SIDT2: variants seen among roughly 807,000 people sequenced by gnomAD.
SIDT2 encodes SID1 transmembrane family, member 2.
SIDT2 carries 68 observed loss-of-function variants against 114.4 expected under a neutral mutation model. That is an observed-to-expected ratio of 0.59 (90% CI 0.49 to 0.73). SIDT2 has a LOEUF of 0.73. SIDT2 is among the 30% of genes least tolerant of loss of function. The pLI is 0.00. For missense variants in SIDT2, 918 were observed against 1,097.1 expected (o/e 0.84, Z 2.31); for synonymous variants, 470 against 438.4 (o/e 1.07, Z -0.90).
chr11:117,183,846 G>C lies in SIDT2; in HGVS notation c.770G>C (p.Gly257Ala), dbSNP rs2030393914. The change falls in exon 7 of 26, where the codon GGG becomes GCG. Residue 257 changes from glycine to alanine, a missense_variant. Around this residue, in one of 4 missense-constraint regions of SIDT2, gnomAD observed 553 missense variants for 600.1 expected, o/e 0.92. Transcript: ENST00000324225. The part of the protein sequence containing the change: ...VVVKTEDQAC[G>A]GSLPFYPFAE... The stretch of plus-strand genomic sequence containing the variant: ...GTGAAGACCGAAGACCAAGCCTGCG[G>C]GGGCTCCCTGCCTTTCTACCCCTTC... 1 of 1,613,960 alleles carries C rather than the reference G, an allele frequency of 6.2e-7. No homozygotes were observed. Among genetic ancestry groups the C allele is most frequent in the Non-Finnish European group, 8.5e-7 (1 of 1,179,972 alleles).
intron 24 of SIDT2, 117 bp downstream of exon 24, chr11:117,194,080 A>AG (rs1366428369): frequency 6.4e-6 from 5 of 778,100 alleles, no homozygotes; most frequent in Non-Finnish European, 1.1e-5. Context: ...CTGAGGCAGG[A>AG]GGATCACTTG....
chr11:117,190,200 A>G lies in SIDT2; in HGVS notation c.1528A>G (p.Ile510Val). Reference protein sequence around the residue: ...FNNILSNLGYILLGLLFLLII... With the variant: ...FNNILSNLGYVLLGLLFLLII... ...CAACATCCTCAGCAACCTGGGGTAC[A>G]TCCTGCTGGGGCTGCTTTTCCTGCT... Residue 510 changes from isoleucine to valine, a missense_variant, in exon 17 of 26, where the codon ATC (isoleucine) becomes GTC (valine). This residue lies in a region of SIDT2 where 72 missense variants were observed against 59.9 expected (regional missense o/e 1.20). Coordinates refer to ENST00000324225, the MANE Select transcript of SIDT2 (RefSeq NM_001040455.2). This position sits in a 1 kb window ranked among gnomAD's most constrained non-coding sequence, Gnocchi z 4.1. 1.9e-6 allele frequency: 3 copies of G among 1,582,248 alleles called. No homozygotes were observed. The highest frequency in any genetic ancestry group is 2.6e-6 in the Non-Finnish European group (3 of 1,164,516).
Position 117,196,133 on chromosome 11 carries a change from C to G in SIDT2, c.*67C>G. ...TCCTTTGTGTCATAGACCGGTCACTCTGTCGTGCTGTGGGGATGAGTCCCA... is the reference window on the plus strand; with the variant it reads ...TCCTTTGTGTCATAGACCGGTCACTGTGTCGTGCTGTGGGGATGAGTCCCA... On this transcript the variant is annotated 3_prime_UTR_variant, in exon 26 of 26. Coordinates refer to ENST00000324225, the MANE Select transcript of SIDT2 (RefSeq NM_001040455.2). This position sits in a 1 kb window ranked among gnomAD's most constrained non-coding sequence, Gnocchi z 4.9. The G allele has an allele frequency of 6.2e-7, 1 of 1,602,308 alleles. No homozygotes were observed. The highest frequency in any genetic ancestry group is 8.5e-7 in the Non-Finnish European group (1 of 1,172,430).
chr11:117,186,617 C>G lies in SIDT2; in HGVS notation c.996C>G (p.Asp332Glu), dbSNP rs1354052221. The G allele has an allele frequency of 6.4e-7, 1 of 1,569,594 alleles. No homozygotes were observed. Among genetic ancestry groups the G allele is most frequent in the African/African-American group, 1.4e-5 (1 of 73,156 alleles). ...QKKKTLLVAI[D>E]RACPESGHPR... ...AGAAGACCCTGCTGGTGGCCATTGA[C>G]CGAGCCTGCCCAGAAAGCGGTACCT... The change falls in exon 10 of 26, where the codon GAC becomes GAG. Residue 332 changes from aspartate (D) to glutamate (E), a missense_variant. Transcript: ENST00000324225.
At chr11:117,191,837 G>T (rs1565288502) in intron 18 of SIDT2, 41 bp from the exon 19 acceptor site, 1 of 1,605,412 alleles carries the variant, frequency 6.2e-7, no homozygotes, top group Non-Finnish European at 8.5e-7. Flanking sequence ...CTGGGGCTTG[G>T]TGGCCATTTC....
chr11:117,193,656 C>T (rs1013628078), intron 23 of SIDT2, among the ~76,000 whole-genome samples, 197 bp from the exon 24 acceptor site: 4 of 152,090 alleles, frequency 2.6e-5, no homozygotes, highest in Admixed American at 6.6e-5. Context: ...GTTCTGGATA[C>T]ATGGAGGCTG....
rs143587311 is a variant in SIDT2 at position 117,186,613 on chromosome 11, T to C, written c.992T>C (p.Ile331Thr). 7 of 1,570,698 alleles carry C rather than the reference T, an allele frequency of 4.5e-6. No homozygotes were observed. In the African/African-American group the frequency reaches 8.2e-5, roughly 18 times the overall value. ...RQKKKTLLVA[I>T]DRACPESGHP... ...AAGAAGAAGACCCTGCTGGTGGCCA[T>C]TGACCGAGCCTGCCCAGAAAGCGGT... is the stretch of plus-strand genomic sequence containing the variant. Residue 331 changes from isoleucine (I) to threonine (T), a missense_variant, in exon 10 of 26, where the codon ATT (isoleucine) becomes ACT (threonine). Around this residue, in one of 4 missense-constraint regions of SIDT2, gnomAD observed 553 missense variants for 600.1 expected, o/e 0.92. Transcript: ENST00000324225.
chr11:117,192,497 C>T lies in SIDT2; in HGVS notation c.1982-77C>T. On this transcript the variant is annotated intron_variant, in intron 20 of 25. Transcript: ENST00000324225. The surrounding 1 kb of genome is among the most constrained non-coding windows in gnomAD (Gnocchi z 5.9). ...TGAGGAATTAGATCAGGCCTGGGCT[C>T]CTCAGCTGGCACATCCCAGGGGTCC... 2 of 1,553,260 alleles carry T rather than the reference C, an allele frequency of 1.3e-6. No individual in the cohort carries two copies. Among genetic ancestry groups the T allele is most frequent in the Non-Finnish European group, 1.8e-6 (2 of 1,136,408 alleles).
intron 18 of SIDT2, chr11:117,191,612 CAG>C (rs1028892434): frequency 6.4e-6 from 3 of 465,554 alleles, no homozygotes; most frequent in African/African-American, 6.0e-5. Flanking sequence ...TCCCTGATCT[CAG>C]GGTGCTCACA....
chr11:117,195,962 G>T, intron 25 of SIDT2, 42 bp from the exon 26 acceptor site: 1 of 1,614,244 alleles, frequency 6.2e-7, no homozygotes, highest in Non-Finnish European at 8.5e-7. Context: ...GAAGGTAGCA[G>T]CTGCCTCCTT....
At chr11:117,185,700 AG>A in intron 8 of SIDT2, among the ~76,000 whole-genome samples, 1 of 152,112 alleles carries the variant, frequency 6.6e-6, no homozygotes, top group East Asian at 1.9e-4. Flanking sequence ...CAACATAGCG[AG>A]ACCCAATCTC....
At position 117,178,892 on chromosome 11, in the gene SIDT2, G is replaced by C. The variant is rs567945944; in HGVS notation, c.-372G>C. 1.4e-5 allele frequency: 3 copies of C among 209,340 alleles called. No homozygotes were observed. The highest frequency in any genetic ancestry group is 2.9e-5 in the Non-Finnish European group (3 of 103,790). 13.0% of individuals were successfully genotyped at this position (209,340 alleles called of 1,614,324 possible). A position where few individuals can be genotyped will look rare whatever the true frequency, so the allele number is the denominator to read the frequency against. On this transcript the variant is annotated 5_prime_UTR_variant, in exon 1 of 26. Transcript: ENST00000324225. The stretch of plus-strand genomic sequence containing the variant: ...TCCTCCGCGGCCAGCCCCCGCCGCC[G>C]GCTCTTCCTCCCTCCCCTTTCCCGG...
chr11:117,190,452 C>T lies in SIDT2; in HGVS notation c.1617+163C>T, dbSNP rs1425207417. On this transcript the variant is annotated intron_variant, in intron 17 of 25. Transcript: ENST00000324225. This position sits in a 1 kb window ranked among gnomAD's most constrained non-coding sequence, Gnocchi z 4.1. The stretch of plus-strand genomic sequence containing the variant: ...ATCCAGCCCAGCCTGCCCCACCCTG[C>T]CCTGCCCTCCCTTGCCAGCCTGCCC... Among the ~76,000 whole-genome samples the T allele has an allele frequency of 6.7e-6, 1 of 150,024 alleles. No individual in the cohort carries two copies. Among genetic ancestry groups the T allele is most frequent in the Admixed American group, 6.6e-5 (1 of 15,074 alleles).
Position 117,188,077 on chromosome 11 carries a change from C to A in SIDT2, c.1159+378C>A. ...CTTCCCCATGTAATTCCAGTAATTGCCCGCTCTTGTGTCTTCTGAGATAGC... is the reference window on the plus strand; with the variant it reads ...CTTCCCCATGTAATTCCAGTAATTGACCGCTCTTGTGTCTTCTGAGATAGC... On this transcript the variant is annotated intron_variant, in intron 12 of 25. Coordinates refer to ENST00000324225, the MANE Select transcript of SIDT2 (RefSeq NM_001040455.2). This position sits in a 1 kb window ranked among gnomAD's most constrained non-coding sequence, Gnocchi z 4.0. The A allele has an allele frequency of 2.2e-6, 1 of 455,538 alleles. No individual in the cohort carries two copies. The highest frequency in any genetic ancestry group is 5.9e-5 in the East Asian group (1 of 16,866). The allele number at this position is 455,538 out of a possible 1,614,324, so 28.2% of individuals were successfully genotyped here. A position where few individuals can be genotyped will look rare whatever the true frequency, so the allele number is the denominator to read the frequency against.
In SIDT2 at chr11:117,179,296, C is replaced by T; in HGVS notation, c.33C>T (p.Leu11=). The T allele has an allele frequency of 6.2e-7, 1 of 1,614,022 alleles. No individual in the cohort carries two copies. The highest frequency in any genetic ancestry group is 8.5e-7 in the Non-Finnish European group (1 of 1,179,982). The change falls in exon 1 of 26, where the codon CTC becomes CTT. Residue 11 remains leucine (L), a synonymous_variant. Coordinates refer to ENST00000324225, the MANE Select transcript of SIDT2 (RefSeq NM_001040455.2). ...CTCTGGGCTTGCCCTTCTTGGTGCTCTTGGTGGCCTCGGTCGAGAGCCATC... is the reference window on the plus strand; with the variant it reads ...CTCTGGGCTTGCCCTTCTTGGTGCTTTTGGTGGCCTCGGTCGAGAGCCATC... MFALGLPFLV[L]LVASVESHLG...
At chr11:117,193,714 C>A in intron 23 of SIDT2, 139 bp from the exon 24 acceptor site, 3 of 625,406 alleles carry the variant, frequency 4.8e-6, no homozygotes, top group Non-Finnish European at 2.8e-6. Flanking sequence ...TGTGGTTGTG[C>A]GGAATGGTAT....
At position 117,182,791 on chromosome 11, in the gene SIDT2, G is replaced by A. The variant is rs761864400; in HGVS notation, c.687G>A (p.Ala229=). 4.3e-5 allele frequency: 69 copies of A among 1,613,786 alleles called. No homozygotes were observed. Among genetic ancestry groups the A allele is most frequent in the Admixed American group, 1.7e-4 (10 of 59,990 alleles). ...IGMYQTMTKK[A]AITVQRKDFP... is the part of the protein sequence containing the mutation. ...TGTACCAGACGATGACCAAGAAGGC[G>A]GCCATCACCGTACAGGTAGGAAATG... The change falls in exon 6 of 26, where the codon GCG becomes GCA. Residue 229 remains alanine, a synonymous_variant. Coordinates refer to ENST00000324225, the MANE Select transcript of SIDT2 (RefSeq NM_001040455.2).
At position 117,192,456 on chromosome 11, in the gene SIDT2, C is replaced by A; in HGVS notation, c.1981+94C>A. Reference sequence around the variant, plus strand: ...AGACGCTCAGGTTCTGTCTTGGGGGCCCTGGAGTCACTGGGTGAGGAATTA... The same window carrying A: ...AGACGCTCAGGTTCTGTCTTGGGGGACCTGGAGTCACTGGGTGAGGAATTA... On this transcript the variant is annotated intron_variant, in intron 20 of 25. Coordinates refer to ENST00000324225, the MANE Select transcript of SIDT2 (RefSeq NM_001040455.2). This position sits in a 1 kb window ranked among gnomAD's most constrained non-coding sequence, Gnocchi z 5.9. 7.0e-7 allele frequency: 1 copy of A among 1,422,190 alleles called. No individual in the cohort carries two copies. Among genetic ancestry groups the A allele is most frequent in the Non-Finnish European group, 9.8e-7 (1 of 1,017,712 alleles). The allele number at this position is 1,422,190 out of a possible 1,614,324, so 88.1% of individuals were successfully genotyped here.
intron 9 of SIDT2, 126 bp downstream of exon 9, chr11:117,186,349 C>T: frequency 1.1e-6 from 1 of 870,964 alleles, no homozygotes; most frequent in Non-Finnish European, 1.8e-6. Context: ...GATGGTGGGG[C>T]TGTTAGAGTC....
Sources: allele counts gnomAD v4.1 joint callset (sites outside exome capture counted in the v4.1 genomes callset), GRCh38; gene constraint gnomAD v4.1.1; regional missense constraint gnomAD v4.1.1; non-coding constraint Gnocchi (gnomAD v3.1); transcripts MANE v1.5; gene names NCBI Gene and HGNC (gene_info 2026-07-23, HGNC 2026-07-21).